The following PRKACB variants were observed in gnomAD, a reference collection of about 807,000 sequenced individuals.
PRKACB encodes the protein protein kinase cAMP-activated catalytic subunit beta.
In PRKACB, 16 loss-of-function variants were observed where a neutral mutation model predicts 51.4. That is an observed-to-expected ratio of 0.31 (90% confidence interval 0.21 to 0.47). The LOEUF is 0.47. PRKACB is among the 20% of genes least tolerant of loss of function. The probability of loss-of-function intolerance (pLI) is 1.00; values close to 1 mark genes in which losing one functional copy is unlikely to be tolerated. For synonymous variants in PRKACB, 147 were observed against 154.4 expected (o/e 0.95, Z 0.35); for missense variants, 309 against 464.5 (o/e 0.67, Z 3.08).
intron 1 of PRKACB, chr1:84,164,881 G>C: frequency 7.1e-7 from 1 of 1,403,952 alleles, no homozygotes; most frequent in Non-Finnish European, 9.3e-7. Flanking sequence ...TTCGTTTTCT[G>C]TGTGCTGCAT....
chr1:84,194,842 G>A (rs1203508736), intron 5 of PRKACB, among the ~76,000 whole-genome samples: 1 of 152,074 alleles, frequency 6.6e-6, no homozygotes, highest in Non-Finnish European at 1.5e-5. Context: ...GTAGACTGAG[G>A]TGGGAAGATT....
intron 1 of PRKACB, among the ~76,000 whole-genome samples, chr1:84,125,321 C>T (rs1651477882): frequency 3.9e-5 from 6 of 152,176 alleles, no homozygotes; most frequent in Admixed American, 3.3e-4. Context: ...TGATCATTCT[C>T]ACACGTGAAA....
rs201081253 is a variant in PRKACB, at chr1:84,144,437, G to C, written c.76G>C (p.Ala26Pro). 6.2e-7 allele frequency: 1 copy of C among 1,613,150 alleles called. No individual in the cohort carries two copies. Among genetic ancestry groups the C allele is most frequent in the African/African-American group, 1.3e-5 (1 of 74,962 alleles). The change falls in exon 1 of 10, where the codon GCT becomes CCT. Residue 26 changes from alanine (A) to proline (P), a missense_variant. Physicochemically the swap from Ala to Pro is conservative, Grantham distance 27. Around this residue, in one of 3 missense-constraint regions of PRKACB, gnomAD observed 153 missense variants for 190.2 expected, o/e 0.80. Coordinates refer to ENST00000370685, the MANE Select transcript of PRKACB (RefSeq NM_182948.4). ...TTALQKLEGF[A>P]SRLFHRHSKG... Reference sequence around the variant, plus strand: ...AGCTCTTCAGAAATTGGAAGGTTTTGCTAGCCGGTTATTTCATAGACACTC... The same window carrying C: ...AGCTCTTCAGAAATTGGAAGGTTTTCCTAGCCGGTTATTTCATAGACACTC...
chr1:84,191,471 A>G (rs1666769626), intron 5 of PRKACB, among the ~76,000 whole-genome samples: 1 of 152,134 alleles, frequency 6.6e-6, no homozygotes, highest in Non-Finnish European at 1.5e-5. Flanking sequence ...AATGTGGTAT[A>G]TATACACCAT....
chr1:84,218,283 G>C (rs1673163301), intron 9 of PRKACB, among the ~76,000 whole-genome samples: 1 of 152,086 alleles, frequency 6.6e-6, no homozygotes, highest in Non-Finnish European at 1.5e-5. Flanking sequence ...TTTGTTCTCA[G>C]TACCTTAGTT....
chr1:84,124,600 T>C (rs913327841), intron 1 of PRKACB, among the ~76,000 whole-genome samples: 17 of 152,204 alleles, frequency 1.1e-4, no homozygotes, highest in African/African-American at 4.1e-4. Context: ...CTTTATGCTG[T>C]GGAGTCAGGC....
At chr1:84,162,824 C>T (rs1223399634) in intron 1 of PRKACB, among the ~76,000 whole-genome samples, 3 of 151,840 alleles carry the variant, frequency 2.0e-5, no homozygotes, top group Admixed American at 2.0e-4. Context: ...TTATTGACTG[C>T]TTTTTTTCCT....
chr1:84,107,469 A>G (rs1409429885), intron 1 of PRKACB, among the ~76,000 whole-genome samples: 1 of 152,170 alleles, frequency 6.6e-6, no homozygotes, highest in African/African-American at 2.4e-5. Flanking sequence ...TTTCAACAAT[A>G]GCAAAAGTTG....
intron 2 of PRKACB, among the ~76,000 whole-genome samples, chr1:84,181,226 T>C (rs1163426750): frequency 6.6e-6 from 1 of 151,972 alleles, no homozygotes; most frequent in African/African-American, 2.4e-5. Flanking sequence ...CCTATACAAA[T>C]TCCTCACTGG....
intron 1 of PRKACB, among the ~76,000 whole-genome samples, chr1:84,092,888 T>G (rs1557914873): frequency 1.3e-5 from 2 of 151,982 alleles, no homozygotes; most frequent in Non-Finnish European, 2.9e-5. Context: ...ATAAAATGTT[T>G]TTTTTTTTTT....
chr1:84,120,742 G>T (rs183416896), intron 1 of PRKACB, among the ~76,000 whole-genome samples: 13 of 152,060 alleles, frequency 8.5e-5, no homozygotes, highest in African/African-American at 3.1e-4. Context: ...TAGTTTAATT[G>T]CTGTACATTT....
chr1:84,134,472 C>T (rs943090649), intron 1 of PRKACB, among the ~76,000 whole-genome samples: 3 of 152,070 alleles, frequency 2.0e-5, no homozygotes, highest in Non-Finnish European at 2.9e-5. Flanking sequence ...TGGGAATACT[C>T]TATTACAAAG....
intron 2 of PRKACB, chr1:84,181,647 A>G (rs1228479015): frequency 1.1e-5 from 16 of 1,454,434 alleles, no homozygotes; most frequent in African/African-American, 1.4e-5. Flanking sequence ...AGAGAAAGCC[A>G]CTAGGCTCTC....
At chr1:84,185,291 G>T (rs1447634031) in intron 5 of PRKACB, 109 bp downstream of exon 5, 21 of 713,800 alleles carry the variant, frequency 2.9e-5, no homozygotes, top group Non-Finnish European at 3.8e-5. Context: ...TAATATTTTG[G>T]CCATATGAAG....
chr1:84,125,815 G>T (rs1042397033), intron 1 of PRKACB, among the ~76,000 whole-genome samples: 1 of 152,144 alleles, frequency 6.6e-6, no homozygotes, highest in African/African-American at 2.4e-5. Flanking sequence ...ATCTCCATTT[G>T]TATGTCTAGT....
intron 6 of PRKACB, 74 bp downstream of exon 6, chr1:84,196,816 A>G: frequency 7.0e-7 from 1 of 1,430,600 alleles, no homozygotes; most frequent in African/African-American, 1.5e-5. Flanking sequence ...TGTAACCCCA[A>G]CTTGGAATTT....
chr1:84,126,344 G>A (rs1651608688), intron 1 of PRKACB, among the ~76,000 whole-genome samples: 1 of 152,168 alleles, frequency 6.6e-6, no homozygotes, highest in Non-Finnish European at 1.5e-5. Flanking sequence ...TTGGCAGGAT[G>A]GGGAGCTGGA....
At chr1:84,158,457 T>C (rs770634830) in intron 1 of PRKACB, among the ~76,000 whole-genome samples, 3 of 152,178 alleles carry the variant, frequency 2.0e-5, no homozygotes, top group Non-Finnish European at 4.4e-5. Flanking sequence ...TTATAACCCA[T>C]TTGTGTATGT....
At chr1:84,204,445 C>T in intron 8 of PRKACB, 1 of 1,473,794 alleles carries the variant, frequency 6.8e-7, no homozygotes, top group Non-Finnish European at 9.5e-7. Flanking sequence ...TCTCTGGCTT[C>T]AGACTTCTTA....
Sources: gnomAD v4.1 joint callset for allele counts (sites outside exome capture counted in the v4.1 genomes callset) on GRCh38, gnomAD v4.1.1 for gene constraint, gnomAD v4.1.1 regional missense constraint, MANE v1.5 for transcripts, NCBI Gene and HGNC (gene_info 2026-07-23, HGNC 2026-07-21) for gene names.